Variants in ATXN7L1 observed in about 807,000 individuals in gnomAD.
The protein encoded by ATXN7L1 is ataxin-7-like protein 1.
A neutral mutation model predicts 70.8 loss-of-function variants in ATXN7L1; 15 were observed. That is an observed-to-expected ratio of 0.21 (90% CI 0.14 to 0.33). ATXN7L1 has a LOEUF of 0.33. ATXN7L1 is among the 10% of genes least tolerant of loss of function. The probability of loss-of-function intolerance (pLI) is 1.00; values close to 1 mark genes in which losing one functional copy is unlikely to be tolerated. For synonymous variants in ATXN7L1, 440 were observed against 445.1 expected (o/e 0.99, Z 0.14); for missense variants, 975 against 1,097.1 (o/e 0.89, Z 1.57).
At position 105,605,374 on chromosome 7, in the gene ATXN7L1, G is replaced by T. The variant is rs1792716327; in HGVS notation, c.*2478C>A. The T allele has an allele frequency of 6.6e-6, 1 of 150,430 alleles. No homozygotes were observed. The highest frequency in any genetic ancestry group is 1.5e-5 in the Non-Finnish European group (1 of 67,852). The allele number at this position is 150,430 out of a possible 1,614,324, so 9.3% of individuals were successfully genotyped here. On this transcript the variant is annotated 3_prime_UTR_variant, in exon 12 of 12. Transcript: ENST00000419735. ...AGTAAACCTGTGGTTGACTGCCAAG[G>T]AAGAATACTGTGGGCTTTCCCTTTT...
chr7:105,628,455 G>A (rs558551732), intron 7 of ATXN7L1, among the ~76,000 whole-genome samples: 59 of 151,884 alleles, frequency 3.9e-4, no homozygotes, highest in African/African-American at 1.3e-3. Flanking sequence ...ATTTTTCTTC[G>A]GTTTTACTGA....
chr7:105,630,095 G>A (rs1176740105), intron 7 of ATXN7L1, among the ~76,000 whole-genome samples: 1 of 152,152 alleles, frequency 6.6e-6, no homozygotes, highest in African/African-American at 2.4e-5. Flanking sequence ...TGGGATTACA[G>A]GTGTGAGCCA....
At chr7:105,824,485 G>A (rs541232518) in intron 2 of ATXN7L1, among the ~76,000 whole-genome samples, 97 of 151,846 alleles carry the variant, frequency 6.4e-4, no homozygotes, top group East Asian at 7.7e-4. Flanking sequence ...AGGATGCAAC[G>A]GTAAGAAAAA....
At chr7:105,713,541 C>G (rs969026493) in intron 3 of ATXN7L1, among the ~76,000 whole-genome samples, 1 of 152,222 alleles carries the variant, frequency 6.6e-6, no homozygotes, top group Non-Finnish European at 1.5e-5. Context: ...GTCTGTGGAG[C>G]TTTACTAGAT....
intron 3 of ATXN7L1, among the ~76,000 whole-genome samples, chr7:105,699,356 T>G (rs1239399357): frequency 6.6e-6 from 1 of 152,204 alleles, no homozygotes; most frequent in Non-Finnish European, 1.5e-5. Context: ...GGTCTCAAAC[T>G]CCTGACCTCA....
At chr7:105,689,941 C>T (rs1377828774) in intron 3 of ATXN7L1, among the ~76,000 whole-genome samples, 2 of 152,206 alleles carry the variant, frequency 1.3e-5, no homozygotes, top group African/African-American at 2.4e-5. Context: ...AGACTCTAAA[C>T]GTCAAAGGCC....
chr7:105,873,020 G>A (rs933250228), intron 2 of ATXN7L1, among the ~76,000 whole-genome samples: 3 of 152,146 alleles, frequency 2.0e-5, no homozygotes, highest in Non-Finnish European at 2.9e-5. Context: ...CGGGCTTGGT[G>A]GCGGGCGCCT....
At chr7:105,776,505 AAAC>A (rs1179816032) in intron 3 of ATXN7L1, among the ~76,000 whole-genome samples, 1 of 149,772 alleles carries the variant, frequency 6.7e-6, no homozygotes, top group Non-Finnish European at 1.5e-5. Context: ...CCCCCCCCCA[AAAC>A]AAACAAACAA....
chr7:105,613,439 T>C (rs1793357702), intron 10 of ATXN7L1: 2 of 1,008,804 alleles, frequency 2.0e-6, no homozygotes, highest in Non-Finnish European at 1.2e-6. Context: ...CTCAAGCTCT[T>C]CCTAAGGGGG....
chr7:105,798,720 C>T (rs1251229917), intron 2 of ATXN7L1, among the ~76,000 whole-genome samples: 1 of 152,186 alleles, frequency 6.6e-6, no homozygotes, highest in Non-Finnish European at 1.5e-5. Context: ...TTCTCTCTGA[C>T]ATTTAAGTAG....
intron 3 of ATXN7L1, among the ~76,000 whole-genome samples, chr7:105,703,996 T>A (rs1792807621): frequency 6.6e-6 from 1 of 151,976 alleles, no homozygotes; most frequent in South Asian, 2.1e-4. Context: ...CACATGGTAT[T>A]CACAACTGCA....
At chr7:105,612,050 C>G (rs1793204403) in intron 10 of ATXN7L1, among the ~76,000 whole-genome samples, 1 of 152,190 alleles carries the variant, frequency 6.6e-6, no homozygotes, top group South Asian at 2.1e-4. Flanking sequence ...CCGCTTCTGG[C>G]TGACTCAGCA....
intron 2 of ATXN7L1, among the ~76,000 whole-genome samples, chr7:105,806,116 C>T (rs997943774): frequency 6.6e-6 from 1 of 151,992 alleles, no homozygotes; most frequent in South Asian, 2.1e-4. Context: ...CTTGGCCTAC[C>T]AGGAAGAGGG....
intron 2 of ATXN7L1, among the ~76,000 whole-genome samples, chr7:105,846,062 T>C (rs745751900): frequency 6.6e-6 from 1 of 151,994 alleles, no homozygotes. Context: ...TCATCAAAAT[T>C]AAAAGCTTTT....
intron 3 of ATXN7L1, among the ~76,000 whole-genome samples, chr7:105,671,694 C>A (rs1803721922): frequency 6.6e-6 from 1 of 151,532 alleles, no homozygotes; most frequent in South Asian, 2.1e-4. Flanking sequence ...CTCAGGAGTT[C>A]AAAACTAGCT....
chr7:105,667,862 T>C (rs574371190), intron 3 of ATXN7L1, among the ~76,000 whole-genome samples: 30 of 152,314 alleles, frequency 2.0e-4, no homozygotes, highest in African/African-American at 6.5e-4. Flanking sequence ...AGAAATGTCT[T>C]GTTTAGCAAT....
At chr7:105,684,089 G>A (rs1378334283) in intron 3 of ATXN7L1, among the ~76,000 whole-genome samples, 2 of 152,188 alleles carry the variant, frequency 1.3e-5, no homozygotes, top group Non-Finnish European at 2.9e-5. Context: ...TGCCAGATAA[G>A]CGGTGAGCCA....
intron 2 of ATXN7L1, among the ~76,000 whole-genome samples, chr7:105,809,001 C>T (rs1410109027): frequency 2.0e-5 from 3 of 152,198 alleles, no homozygotes; most frequent in Non-Finnish European, 2.9e-5. Context: ...GCGTTTCTCC[C>T]AAAGAAGCGT....
At chr7:105,705,424 T>G (rs895590526) in intron 3 of ATXN7L1, among the ~76,000 whole-genome samples, 20 of 152,308 alleles carry the variant, frequency 1.3e-4, no homozygotes, top group African/African-American at 3.8e-4. Flanking sequence ...AAGCTTTTTT[T>G]GGGGGAAAAA....
Sources: allele counts gnomAD v4.1 joint callset (sites outside exome capture counted in the v4.1 genomes callset), GRCh38; gene constraint gnomAD v4.1.1; transcripts MANE v1.5; gene names NCBI Gene and HGNC (gene_info 2026-07-23, HGNC 2026-07-21).